The following EBF1 variants were observed in gnomAD, a reference collection of about 807,000 sequenced individuals.
The protein encoded by EBF1 is EBF transcription factor 1.
Under a neutral mutation model 68.4 loss-of-function variants are expected in EBF1, and 10 were observed. The ratio of observed to expected loss-of-function variants is 0.15; its 90% CI spans 0.09 to 0.25. EBF1 has a LOEUF of 0.25. Among genes scored for constraint, EBF1 ranks in the 10% least tolerant of loss-of-function variants. EBF1 has a pLI of 1.00. For synonymous variants in EBF1, 298 were observed against 299.8 expected (o/e 0.99, Z 0.06); for missense variants, 509 against 794.4 (o/e 0.64, Z 4.32).
At chr5:158,755,869 T>G (rs186098588) in intron 10 of EBF1, among the ~76,000 whole-genome samples, 1 of 152,270 alleles carries the variant, frequency 6.6e-6, no homozygotes. Context: ...AAAACATAGT[T>G]TGGTGAAAGA....
rs184770752 is a variant in EBF1 at position 158,986,752 on chromosome 5, T to C, written c.554+86644A>G. 25 of 152,350 alleles carry C rather than the reference T, an allele frequency of 1.6e-4. No individual in the cohort carries two copies. The East Asian group carries it at 2.3e-3, about 14-fold the overall frequency. The allele number at this position is 152,350 out of a possible 1,614,324, so 9.4% of individuals were successfully genotyped here. A position where few individuals can be genotyped will look rare whatever the true frequency, so the allele number is the denominator to read the frequency against. ...TAAGAATTTAATCTCTATCATTTCA[T>C]TGGGCTGGCCAGATTTATATAATCT... On this transcript the variant is annotated intron_variant, in intron 6 of 15. Transcript: ENST00000313708.
At chr5:159,038,938 G>C (rs1770644075) in intron 6 of EBF1, among the ~76,000 whole-genome samples, 1 of 152,090 alleles carries the variant, frequency 6.6e-6, no homozygotes, top group African/African-American at 2.4e-5. Flanking sequence ...TTTCCTTCCA[G>C]GATAAACATA....
At chr5:158,815,772 T>C (rs1213545899) in intron 8 of EBF1, among the ~76,000 whole-genome samples, 1 of 152,200 alleles carries the variant, frequency 6.6e-6, no homozygotes, top group Non-Finnish European at 1.5e-5. Context: ...GCTTTATGAA[T>C]TACTCAGGGA....
At chr5:158,907,612 A>G (rs1302764826) in intron 6 of EBF1, among the ~76,000 whole-genome samples, 1 of 152,208 alleles carries the variant, frequency 6.6e-6, no homozygotes, top group African/African-American at 2.4e-5. Context: ...TCCTGGTCCC[A>G]TGAAATGAAT....
At chr5:158,706,654 C>A (rs997499172) in intron 15 of EBF1, among the ~76,000 whole-genome samples, 3 of 152,170 alleles carry the variant, frequency 2.0e-5, no homozygotes, top group Non-Finnish European at 4.4e-5. Context: ...CCCTGACTTC[C>A]AGGCTGACCT....
In EBF1 at chr5:158,712,210, T is replaced by C. The variant is rs1283086806; in HGVS notation, c.1493A>G (p.Asn498Ser). 2 of 1,613,666 alleles carry C rather than the reference T, an allele frequency of 1.2e-6. No individual in the cohort carries two copies. Among genetic ancestry groups the C allele is most frequent in the Non-Finnish European group, 1.7e-6 (2 of 1,179,894 alleles). ...MNGYGSAAMS[N>S]LGGSPTFLNG... The stretch of plus-strand genomic sequence containing the variant: ...GAGGAAGGTGGGGGAGCCGCCCAAA[T>C]TGGACATTGCGGCAGAGCCGTATCC... Residue 498 changes from asparagine (N) to serine (S), a missense_variant, in exon 14 of 16, where the codon AAT becomes AGT. Coordinates refer to ENST00000313708, the MANE Select transcript of EBF1 (RefSeq NM_024007.5).
intron 6 of EBF1, among the ~76,000 whole-genome samples, chr5:159,048,029 C>T (rs1421596143): frequency 1.3e-5 from 2 of 152,164 alleles, no homozygotes; most frequent in Non-Finnish European, 2.9e-5. Flanking sequence ...CTATATTTTC[C>T]ACATGCTCCA....
At chr5:159,097,338 G>A (rs913483463) in intron 1 of EBF1, 1 of 584,304 alleles carries the variant, frequency 1.7e-6, no homozygotes, top group African/African-American at 1.9e-5. Context: ...CTCCGCCAAG[G>A]ACGGGTGCGT....
chr5:158,796,932 C>T (rs73816061), intron 8 of EBF1, among the ~76,000 whole-genome samples: 4,245 of 152,198 alleles, frequency 0.028, 202 homozygotes, highest in African/African-American at 0.097. Context: ...GAGCCTGGAG[C>T]GGGAAATGAT....
intron 7 of EBF1, among the ~76,000 whole-genome samples, chr5:158,825,596 T>C (rs1785916050): frequency 6.6e-6 from 1 of 151,474 alleles, no homozygotes; most frequent in Non-Finnish European, 1.5e-5. Context: ...TGTCATCTAA[T>C]CCTACATTGA....
At chr5:158,773,533 G>C (rs1774333577) in intron 10 of EBF1, among the ~76,000 whole-genome samples, 1 of 152,058 alleles carries the variant, frequency 6.6e-6, no homozygotes, top group Non-Finnish European at 1.5e-5. Context: ...AACTTTTGGG[G>C]GGTCAGGTGG....
intron 11 of EBF1, among the ~76,000 whole-genome samples, chr5:158,720,088 A>T (rs1345403878): frequency 6.6e-6 from 1 of 152,198 alleles, no homozygotes; most frequent in Non-Finnish European, 1.5e-5. Flanking sequence ...TATCAGCAAC[A>T]CACAATGAAG....
intron 6 of EBF1, among the ~76,000 whole-genome samples, chr5:158,921,254 C>A (rs900187592): frequency 1.3e-5 from 2 of 152,196 alleles, no homozygotes; most frequent in Non-Finnish European, 2.9e-5. Flanking sequence ...ACAGCCAGCA[C>A]AAATTCTATA....
chr5:159,029,858 G>A (rs1255821627), intron 6 of EBF1, among the ~76,000 whole-genome samples: 2 of 151,896 alleles, frequency 1.3e-5, no homozygotes, highest in African/African-American at 4.8e-5. Flanking sequence ...GGAGGCTGAG[G>A]CGAGAGTATC....
chr5:159,044,462 G>C (rs1306277817), intron 6 of EBF1, among the ~76,000 whole-genome samples: 1 of 152,130 alleles, frequency 6.6e-6, no homozygotes. Context: ...TGTCTCACAA[G>C]AGAATCCTAG....
At chr5:158,884,798 C>A (rs1391369207) in intron 6 of EBF1, among the ~76,000 whole-genome samples, 1 of 152,164 alleles carries the variant, frequency 6.6e-6, no homozygotes, top group South Asian at 2.1e-4. Context: ...TAATTTATGT[C>A]TCTTCATCCA....
At chr5:159,041,963 C>A (rs1047313071) in intron 6 of EBF1, among the ~76,000 whole-genome samples, 8 of 152,156 alleles carry the variant, frequency 5.3e-5, no homozygotes, top group African/African-American at 1.9e-4. Flanking sequence ...GAATACTGAT[C>A]TATCCAAAAG....
In EBF1 at chr5:158,747,885, C is replaced by G. The variant is rs186861959; in HGVS notation, c.1037-16728G>C. 4.6e-5 allele frequency among the ~76,000 whole-genome samples: 7 copies of G among 152,102 alleles called. No individual in the cohort carries two copies. The South Asian group carries it at 6.2e-4, about 13-fold the overall frequency. On this transcript the variant is annotated intron_variant, in intron 10 of 15. Transcript: ENST00000313708. ...TTTTACAGGAGAAAGACCCTTAGGACGATAGAGGGGTGACGGATCTTGCCT... is the reference window on the plus strand; with the variant it reads ...TTTTACAGGAGAAAGACCCTTAGGAGGATAGAGGGGTGACGGATCTTGCCT...
In EBF1 at chr5:158,739,068, GTTC is replaced by G. The variant is rs376235368; in HGVS notation, c.1037-7914_1037-7912del. Among the ~76,000 whole-genome samples, 208 of 152,234 alleles carry G rather than the reference GTTC, an allele frequency of 1.4e-3. 1 individual carries two copies. Among genetic ancestry groups the G allele is most frequent in the East Asian group, 8.3e-3 (43 of 5,184 alleles). On this transcript the variant is annotated intron_variant, in intron 10 of 15. Transcript: ENST00000313708. ...CAAGAAACTGTTTTCTGTCCATCAGGTTCTTCTTATTGGTCTAAGCCTACAAGG... is the reference window on the plus strand; with the variant it reads ...CAAGAAACTGTTTTCTGTCCATCAGGTTCTTATTGGTCTAAGCCTACAAGG...
Sources: gnomAD v4.1 joint callset for allele counts (sites outside exome capture counted in the v4.1 genomes callset) on GRCh38, gnomAD v4.1.1 for gene constraint, MANE v1.5 for transcripts, NCBI Gene and HGNC (gene_info 2026-07-23, HGNC 2026-07-21) for gene names.